The following PCNX2 variants were observed in gnomAD, a reference collection of about 807,000 sequenced individuals.
PCNX2 encodes the protein pecanex-like protein 2.
Under a neutral mutation model 223.8 loss-of-function variants are expected in PCNX2, and 168 were observed. The ratio of observed to expected loss-of-function variants is 0.75; its 90% confidence interval spans 0.66 to 0.85. PCNX2 has a LOEUF of 0.85. Ranked by LOEUF, PCNX2 falls within the 40% of genes least tolerant of loss-of-function variation. PCNX2 has a pLI of 0.00. For synonymous variants in PCNX2, 1,006 were observed against 1,052.6 expected, an observed-to-expected ratio of 0.96 and a Z score of 0.86; for missense variants, 2,507 against 2,675.5, an observed-to-expected ratio of 0.94 and a Z score of 1.39.
chr1:233,169,297 G>A (rs930195541), intron 17 of PCNX2, among the ~76,000 whole-genome samples: 1 of 151,758 alleles, frequency 6.6e-6, no homozygotes, highest in African/African-American at 2.4e-5. Context: ...GTATATTTTG[G>A]ATAAATATTT....
chr1:233,171,847 A>T lies in PCNX2; in HGVS notation c.3273+5955T>A, dbSNP rs1215839135. ...TTAGATTTTCTCACTCTATCCTTCAAGTCATTTCTCTTTCAAATTTCTTGA... is the reference window on the plus strand; with the variant it reads ...TTAGATTTTCTCACTCTATCCTTCATGTCATTTCTCTTTCAAATTTCTTGA... On this transcript the variant is annotated intron_variant, in intron 17 of 33. Coordinates refer to ENST00000258229, the MANE Select transcript of PCNX2 (RefSeq NM_014801.4). 5.3e-5 allele frequency among the ~76,000 whole-genome samples: 8 copies of T among 152,014 alleles called. No homozygotes were observed. In the East Asian group the frequency reaches 1.5e-3, roughly 29 times the overall value.
Position 233,018,949 on chromosome 1 carries a change from C to T in PCNX2, c.4606-1795G>A, listed in dbSNP as rs565951048. ...CGGAAACGAAGTCTTCAGTGACTGA[C>T]GCTTGTAAGTGGAGTGGGCTGAGAA... On this transcript the variant is annotated intron_variant, in intron 26 of 33. Transcript: ENST00000258229. 2.5e-4 allele frequency: 245 copies of T among 985,452 alleles called. 1 individual carries two copies. In the African/African-American group the frequency reaches 3.7e-3, roughly 15 times the overall value. The allele number at this position is 985,452 out of a possible 1,614,324, so 61.0% of individuals were successfully genotyped here.
intron 21 of PCNX2, among the ~76,000 whole-genome samples, chr1:233,115,013 A>T (rs566859899): frequency 6.6e-6 from 1 of 152,238 alleles, no homozygotes; most frequent in Non-Finnish European, 1.5e-5. Context: ...AGAGCACAGC[A>T]CTGCACAGGA....
At chr1:233,034,073 G>A (rs1377334475) in intron 25 of PCNX2, among the ~76,000 whole-genome samples, 11 of 152,132 alleles carry the variant, frequency 7.2e-5, no homozygotes, top group Admixed American at 2.6e-4. Flanking sequence ...TTAGCCGGGC[G>A]TGGTGGCGTG....
At chr1:233,283,361 G>A (rs927995200) in intron 1 of PCNX2, among the ~76,000 whole-genome samples, 18 of 152,202 alleles carry the variant, frequency 1.2e-4, no homozygotes, top group African/African-American at 4.1e-4. Context: ...TGCAACTACT[G>A]CAGCTCTAGA....
intron 32 of PCNX2, among the ~76,000 whole-genome samples, chr1:232,996,412 T>C (rs1669877043): frequency 6.6e-6 from 1 of 152,028 alleles, no homozygotes; most frequent in Non-Finnish European, 1.5e-5. Flanking sequence ...ACATTTTTCA[T>C]GTGATAAGAA....
chr1:233,303,714 C>T, the PCNX2 span, among the ~76,000 whole-genome samples: 7 of 152,100 alleles, frequency 4.6e-5, no homozygotes, highest in South Asian at 2.1e-4. Flanking sequence ...CATATGTATA[C>T]GTGTGCCATG....
At chr1:233,264,041 C>A (rs114430718) in intron 1 of PCNX2, among the ~76,000 whole-genome samples, 6,077 of 152,194 alleles carry the variant, frequency 0.04, 179 homozygotes, top group Non-Finnish European at 0.063. Context: ...ATATTTCCAG[C>A]AGAGACAAAT....
At chr1:232,996,394 C>A (rs185061597) in intron 32 of PCNX2, among the ~76,000 whole-genome samples, 104 of 152,278 alleles carry the variant, frequency 6.8e-4, no homozygotes, top group African/African-American at 2.3e-3. Context: ...CTCCCATGAT[C>A]CTGAAACACA....
intron 8 of PCNX2, among the ~76,000 whole-genome samples, chr1:233,250,320 A>G (rs1346793500): frequency 1.3e-5 from 2 of 152,234 alleles, no homozygotes; most frequent in Non-Finnish European, 2.9e-5. Flanking sequence ...TCTGAAGTAA[A>G]ATAGAAAAGA....
At chr1:233,010,559 A>G (rs534964070) in intron 28 of PCNX2, among the ~76,000 whole-genome samples, 117 of 152,334 alleles carry the variant, frequency 7.7e-4, no homozygotes, top group African/African-American at 2.6e-3. Flanking sequence ...GAAGACAGTA[A>G]TCAAACCATC....
chr1:233,180,619 T>A (rs182348474), intron 15 of PCNX2: 2 of 152,284 alleles, frequency 1.3e-5, no homozygotes, highest in Non-Finnish European at 2.9e-5. Context: ...GCTAAAATAG[T>A]CTGGAAAAGC....
In PCNX2 at chr1:233,001,551, G is replaced by T; in HGVS notation, c.5083C>A (p.Leu1695Met). Residue 1695 changes from leucine (L) to methionine (M), a missense_variant, in exon 29 of 34, where the codon CTG (leucine) becomes ATG (methionine). Transcript: ENST00000258229. The surrounding 1 kb of genome is among the most constrained non-coding windows in gnomAD (Gnocchi z 4.2). ...KVVAPAIRMS[L>M]KLHQDQFTCP... ...TAGGTTTTTACCTGGTGAAGTTTCA[G>T]GGACATCCTGATAGCTGGAGCTACA... 1 of 1,439,918 alleles carries T rather than the reference G, an allele frequency of 6.9e-7. No homozygotes were observed. Among genetic ancestry groups the T allele is most frequent in the South Asian group, 1.7e-5 (1 of 59,338 alleles). The allele number at this position is 1,439,918 out of a possible 1,614,324, so 89.2% of individuals were successfully genotyped here. A position where few individuals can be genotyped will look rare whatever the true frequency, so the allele number is the denominator to read the frequency against.
At chr1:233,270,374 A>G (rs1445885145) in intron 1 of PCNX2, among the ~76,000 whole-genome samples, 1 of 152,220 alleles carries the variant, frequency 6.6e-6, no homozygotes, top group African/African-American at 2.4e-5. Flanking sequence ...TATATGTTGA[A>G]AACTAGAACA....
chr1:233,153,165 A>G (rs1677919246), intron 19 of PCNX2, among the ~76,000 whole-genome samples: 1 of 152,218 alleles, frequency 6.6e-6, no homozygotes, highest in Admixed American at 6.5e-5. Context: ...GGCAGGCTAC[A>G]CACTACAAAC....
At chr1:233,182,643 C>G (rs1679869821) in intron 15 of PCNX2, among the ~76,000 whole-genome samples, 1 of 152,192 alleles carries the variant, frequency 6.6e-6, no homozygotes, top group African/African-American at 2.4e-5. Flanking sequence ...ATATACACAG[C>G]AGCAAAACCC....
chr1:233,023,861 T>A (rs1670990965), intron 26 of PCNX2, among the ~76,000 whole-genome samples: 1 of 152,184 alleles, frequency 6.6e-6, no homozygotes, highest in Non-Finnish European at 1.5e-5. Context: ...GGGGATGAGA[T>A]CTAAGAGCTA....
intron 27 of PCNX2, among the ~76,000 whole-genome samples, 159 bp from the exon 28 acceptor site, chr1:233,014,936 A>G (rs535926945): frequency 6.6e-6 from 1 of 152,218 alleles, no homozygotes; most frequent in East Asian, 1.9e-4. Context: ...AGCTTCCTGA[A>G]GCAGTTTCTC....
chr1:233,112,847 T>A (rs1229555476), intron 21 of PCNX2: 5 of 1,281,104 alleles, frequency 3.9e-6, no homozygotes, highest in Non-Finnish European at 4.1e-6. Flanking sequence ...ACTCTTACTT[T>A]GAAGGCTGAA....
Sources: gnomAD v4.1 joint callset for allele counts (sites outside exome capture counted in the v4.1 genomes callset) on GRCh38, gnomAD v4.1.1 for gene constraint, Gnocchi (gnomAD v3.1) non-coding constraint, MANE v1.5 for transcripts, NCBI Gene and HGNC (gene_info 2026-07-23, HGNC 2026-07-21) for gene names.